PRKN: variants seen among roughly 807,000 people sequenced by gnomAD.
The protein encoded by PRKN is parkin RBR E3 ubiquitin protein ligase.
A neutral mutation model predicts 59.5 loss-of-function variants in PRKN; 56 were observed. The ratio of observed to expected loss-of-function variants is 0.94; its 90% CI spans 0.76 to 1.18. The LOEUF is 1.18. Among genes scored for constraint, PRKN ranks in the 50% most tolerant of loss-of-function variants. The pLI, the probability that PRKN is intolerant of heterozygous loss-of-function variation, is 0.00. For synonymous variants in PRKN, 250 were observed against 222.1 expected, an observed-to-expected ratio of 1.13 and a Z score of -1.12; for missense variants, 657 against 596.4, an observed-to-expected ratio of 1.10 and a Z score of -1.06.
chr6:162,347,591 T>C (rs1279483866), intron 2 of PRKN, among the ~76,000 whole-genome samples: 3 of 152,110 alleles, frequency 2.0e-5, no homozygotes, highest in African/African-American at 7.2e-5. Context: ...TTGTGATGAA[T>C]ATCACATTTA....
chr6:162,297,170 T>C lies in PRKN; in HGVS notation c.172-34405A>G, dbSNP rs144703711. On this transcript the variant is annotated intron_variant, in intron 2 of 11. Transcript: ENST00000366898. ...TGCTAATCAGATTCTAGAATTTTTC[T>C]TTTCTTTTTTTTTTTTTTTGTAAGC... is the stretch of plus-strand genomic sequence containing the variant. Among the ~76,000 whole-genome samples the C allele has an allele frequency of 1.8e-3, 229 of 128,046 alleles. 4 individuals carry two copies. In the East Asian group the frequency reaches 0.027, roughly 15 times the overall value. The allele number at this position is 128,046 out of a possible 152,430, so 84.0% of individuals were successfully genotyped here. A position where few individuals can be genotyped will look rare whatever the true frequency, so the allele number is the denominator to read the frequency against.
intron 4 of PRKN, among the ~76,000 whole-genome samples, chr6:162,192,928 G>A (rs1784344907): frequency 6.6e-6 from 1 of 152,094 alleles, no homozygotes; most frequent in Non-Finnish European, 1.5e-5. Context: ...TCATGATGCT[G>A]AGCTTTTGAG....
Position 161,446,009 on chromosome 6 carries a change from G to A in PRKN, c.1084-59132C>T, listed in dbSNP as rs578255000. Among the ~76,000 whole-genome samples, 9 of 151,820 alleles carry A rather than the reference G, an allele frequency of 5.9e-5. No individual in the cohort carries two copies. In the South Asian group the frequency reaches 1.9e-3, roughly 32 times the overall value. On this transcript the variant is annotated intron_variant, in intron 9 of 11. Transcript: ENST00000366898. The surrounding 1 kb of genome is among the most constrained non-coding windows in gnomAD (Gnocchi z 6.2). ...GTTTGAGCCCAGGAGTTTGAGACCAGCCTGGGCAACATGGTGAAACCCTGT... is the reference window on the plus strand; with the variant it reads ...GTTTGAGCCCAGGAGTTTGAGACCAACCTGGGCAACATGGTGAAACCCTGT...
At chr6:162,339,010 G>A (rs1194055258) in intron 2 of PRKN, among the ~76,000 whole-genome samples, 2 of 149,396 alleles carry the variant, frequency 1.3e-5, no homozygotes, top group Non-Finnish European at 3.0e-5. Flanking sequence ...GAGACCCTCT[G>A]CCCGGCAACC....
intron 9 of PRKN, among the ~76,000 whole-genome samples, chr6:161,539,182 T>C (rs764310616): frequency 5.9e-5 from 9 of 152,250 alleles, no homozygotes; most frequent in Non-Finnish European, 1.2e-4. Flanking sequence ...GTAAGAACTA[T>C]TTAAACTATT....
chr6:161,350,438 C>T (rs980863281), intron 11 of PRKN, among the ~76,000 whole-genome samples: 1 of 151,348 alleles, frequency 6.6e-6, no homozygotes, highest in African/African-American at 2.4e-5. Flanking sequence ...AAGCATGTCA[C>T]TTTTGTCGGG....
chr6:162,691,029 T>A (rs1257565411), intron 1 of PRKN, among the ~76,000 whole-genome samples: 2 of 152,160 alleles, frequency 1.3e-5, no homozygotes, highest in African/African-American at 2.4e-5. Flanking sequence ...AATGTTGCAA[T>A]TTTTTATCTG....
chr6:161,903,568 TG>T (rs1778017353), intron 6 of PRKN, among the ~76,000 whole-genome samples: 1 of 152,158 alleles, frequency 6.6e-6, no homozygotes, highest in Non-Finnish European at 1.5e-5. Context: ...TATTATTTGT[TG>T]GGTTGCCAAC....
chr6:162,279,672 T>C (rs1468984028), intron 2 of PRKN, among the ~76,000 whole-genome samples: 2 of 152,164 alleles, frequency 1.3e-5, no homozygotes, highest in Non-Finnish European at 2.9e-5. Flanking sequence ...CAGAGTTCTA[T>C]AGATGTCTAT....
At chr6:161,743,334 C>T (rs1386523626) in intron 7 of PRKN, among the ~76,000 whole-genome samples, 1 of 149,390 alleles carries the variant, frequency 6.7e-6, no homozygotes, top group African/African-American at 2.4e-5. Context: ...ATTCTCCTGC[C>T]TCAGCCTCCC....
At chr6:161,843,174 G>A (rs1435833270) in intron 6 of PRKN, among the ~76,000 whole-genome samples, 4 of 152,070 alleles carry the variant, frequency 2.6e-5, no homozygotes, top group Admixed American at 2.0e-4. Context: ...CTCCCGTGAA[G>A]GCCCCAAACC....
chr6:162,261,739 A>C (rs1779895959), intron 3 of PRKN, among the ~76,000 whole-genome samples: 1 of 152,142 alleles, frequency 6.6e-6, no homozygotes, highest in Non-Finnish European at 1.5e-5. Flanking sequence ...TCCTGTATTT[A>C]AAGATGTTGT....
At chr6:161,905,106 C>T (rs1168552213) in intron 6 of PRKN, among the ~76,000 whole-genome samples, 1 of 152,196 alleles carries the variant, frequency 6.6e-6, no homozygotes, top group Admixed American at 6.5e-5. Context: ...TTCACCTCGT[C>T]TCCCTCCACT....
At chr6:162,575,566 C>G (rs1393942091) in intron 1 of PRKN, among the ~76,000 whole-genome samples, 2 of 152,164 alleles carry the variant, frequency 1.3e-5, no homozygotes, top group Non-Finnish European at 2.9e-5. Context: ...ACAGTTTAGT[C>G]TCTATGCTGA....
At chr6:161,415,935 C>T (rs776267190) in intron 9 of PRKN, among the ~76,000 whole-genome samples, 12 of 152,042 alleles carry the variant, frequency 7.9e-5, no homozygotes, top group Non-Finnish European at 1.6e-4. Context: ...TGGGAATGCC[C>T]TGGGATCCTG....
intron 7 of PRKN, among the ~76,000 whole-genome samples, chr6:161,650,594 T>G (rs549559263): frequency 6.6e-6 from 1 of 152,058 alleles, no homozygotes; most frequent in Non-Finnish European, 1.5e-5. Context: ...CCGAGAGAGA[T>G]TGATTTATCC....
chr6:161,605,932 G>A (rs1012297232), intron 7 of PRKN, among the ~76,000 whole-genome samples: 4 of 152,096 alleles, frequency 2.6e-5, no homozygotes, highest in Admixed American at 1.3e-4. Context: ...AGCAAGATGC[G>A]GACATGTGTG....
chr6:161,997,699 G>A (rs1328161286), intron 5 of PRKN, among the ~76,000 whole-genome samples: 4 of 152,114 alleles, frequency 2.6e-5, no homozygotes, highest in Non-Finnish European at 4.4e-5. Context: ...TACAAATCTA[G>A]TTTCTTTTCA....
intron 9 of PRKN, among the ~76,000 whole-genome samples, chr6:161,436,560 T>A (rs1320054281): frequency 6.6e-6 from 1 of 151,922 alleles, no homozygotes; most frequent in Non-Finnish European, 1.5e-5. Context: ...CCTGGTAGGT[T>A]CCTGCATTCA....
Sources: allele counts gnomAD v4.1 joint callset (sites outside exome capture counted in the v4.1 genomes callset), GRCh38; gene constraint gnomAD v4.1.1; non-coding constraint Gnocchi (gnomAD v3.1); transcripts MANE v1.5; gene names NCBI Gene and HGNC (gene_info 2026-07-23, HGNC 2026-07-21).